CEP78: variants seen among roughly 807,000 people sequenced by gnomAD.
CEP78 encodes the protein centrosomal protein of 78 kDa.
CEP78 carries 76 observed loss-of-function variants against 81.2 expected under a neutral mutation model. The observed-to-expected ratio is 0.94, with a 90% CI of 0.78 to 1.13. The LOEUF (loss-of-function observed/expected upper bound fraction) is 1.13, where lower values mean the gene tolerates loss of function less well. Ranked by LOEUF, CEP78 falls within the 50% of genes most tolerant of loss-of-function variation. The probability of loss-of-function intolerance (pLI) is 0.00; values close to 1 mark genes in which losing one functional copy is unlikely to be tolerated. For missense variants in CEP78, 918 were observed against 846.8 expected (o/e 1.08, Z -1.04); for synonymous variants, 293 against 301.4 (o/e 0.97, Z 0.29).
intron 16 of CEP78, among the ~76,000 whole-genome samples, chr9:78,269,919 T>C (rs997203472): frequency 6.6e-6 from 1 of 152,224 alleles, no homozygotes; most frequent in Non-Finnish European, 1.5e-5. Context: ...TGAGATACTT[T>C]AATGTTCTTA....
intron 14 of CEP78, 146 bp from the exon 15 acceptor site, chr9:78,265,713 T>A (rs1827496467): frequency 2.7e-6 from 2 of 743,008 alleles, no homozygotes; most frequent in Non-Finnish European, 4.4e-6. Context: ...TTCCTTATAT[T>A]GTATTGTTGT....
chr9:78,256,433 G>A (rs1827028897), intron 11 of CEP78, among the ~76,000 whole-genome samples: 1 of 152,060 alleles, frequency 6.6e-6, no homozygotes, highest in Non-Finnish European at 1.5e-5. Flanking sequence ...CCTAGAAAAG[G>A]GTAGCTGAGA....
At chr9:78,245,512 A>G (rs1826435859) in intron 5 of CEP78, among the ~76,000 whole-genome samples, 1 of 152,180 alleles carries the variant, frequency 6.6e-6, no homozygotes, top group Non-Finnish European at 1.5e-5. Context: ...CCTGTTGTGG[A>G]TTAGGGTTTC....
Position 78,272,239 on chromosome 9 carries a change from T to A in CEP78, c.*1388T>A, listed in dbSNP as rs1167763765. On this transcript the variant is annotated 3_prime_UTR_variant, in exon 17 of 17. Transcript: ENST00000643273. ...GGCCAAGATGGGTTCTTTCTTAGGCTGGTCTTGAACTCCTGGCCTCAAATG... is the reference window on the plus strand; with the variant it reads ...GGCCAAGATGGGTTCTTTCTTAGGCAGGTCTTGAACTCCTGGCCTCAAATG... The A allele has an allele frequency of 1.3e-5, 2 of 152,462 alleles. No homozygotes were observed. The highest frequency in any genetic ancestry group is 4.8e-5 in the African/African-American group (2 of 41,448). The allele number at this position is 152,462 out of a possible 1,614,324, so 9.4% of individuals were successfully genotyped here. A position where few individuals can be genotyped will look rare whatever the true frequency, so the allele number is the denominator to read the frequency against.
chr9:78,239,493 C>G (rs776982256), intron 1 of CEP78, among the ~76,000 whole-genome samples: 1 of 152,160 alleles, frequency 6.6e-6, no homozygotes, highest in Non-Finnish European at 1.5e-5. Context: ...TCCTTTATCT[C>G]TTTGATACTC....
At chr9:78,258,172 G>A (rs1325919636) in intron 11 of CEP78, among the ~76,000 whole-genome samples, 1 of 152,154 alleles carries the variant, frequency 6.6e-6, no homozygotes, top group African/African-American at 2.4e-5. Context: ...TGTGGTAGGT[G>A]TTACTATTAG....
intron 11 of CEP78, among the ~76,000 whole-genome samples, chr9:78,256,958 T>C (rs1226534950): frequency 6.6e-6 from 1 of 151,968 alleles, no homozygotes; most frequent in Non-Finnish European, 1.5e-5. Flanking sequence ...TCAGTAGGAA[T>C]TAAGGAAATT....
At position 78,279,332 on chromosome 9, in the gene CEP78, GT is replaced by G. The variant is rs1447793446; in HGVS notation, c.*8484del. 3.9e-5 allele frequency: 6 copies of G among 152,148 alleles called. No individual in the cohort carries two copies. The highest frequency in any genetic ancestry group is 8.8e-5 in the Non-Finnish European group (6 of 68,028). 9.4% of individuals were successfully genotyped at this position (152,148 alleles called of 1,614,324 possible). A position where few individuals can be genotyped will look rare whatever the true frequency, so the allele number is the denominator to read the frequency against. ...GTAGAGTTTGAAAACACTAAAATCA[GT>G]TTGCCAAATAACCAGCTCTAATTTC... On this transcript the variant is annotated 3_prime_UTR_variant, in exon 17 of 17. Coordinates refer to ENST00000643273, the MANE Select transcript of CEP78 (RefSeq NM_001330691.3).
intron 16 of CEP78, chr9:78,267,016 T>C: frequency 7.6e-7 from 1 of 1,308,040 alleles, no homozygotes; most frequent in Non-Finnish European, 1.0e-6. Context: ...GACTAAATCT[T>C]TTGAAACTAT....
chr9:78,250,783 C>A (rs2118281302), intron 8 of CEP78, among the ~76,000 whole-genome samples: 1 of 152,286 alleles, frequency 6.6e-6, no homozygotes. Flanking sequence ...TCTACACATA[C>A]TACAAACAAT....
At chr9:78,246,843 G>T (rs1392469510) in intron 6 of CEP78, 61 bp downstream of exon 6, 15 of 938,316 alleles carry the variant, frequency 1.6e-5, no homozygotes, top group Non-Finnish European at 1.9e-5. Flanking sequence ...AATTTCTCAT[G>T]TATTGACAGT....
Position 78,265,853 on chromosome 9 carries a change from A to G in CEP78, c.1798-6A>G, listed in dbSNP as rs759202816. On this transcript the variant is annotated splice_region_variant and splice_polypyrimidine_tract_variant and intron_variant, in intron 14 of 16. Coordinates refer to ENST00000643273, the MANE Select transcript of CEP78 (RefSeq NM_001330691.3). ...TAAATGTCTATTCTATTCATATTCC[A>G]TCTAGGTTTCTATTTGTATGCAGTC... 22 of 1,318,006 alleles carry G rather than the reference A, an allele frequency of 1.7e-5. No individual in the cohort carries two copies. The South Asian group carries it at 2.7e-4, about 16-fold the overall frequency. The allele number at this position is 1,318,006 out of a possible 1,614,324, so 81.6% of individuals were successfully genotyped here. A position where few individuals can be genotyped will look rare whatever the true frequency, so the allele number is the denominator to read the frequency against.
At chr9:78,236,969 CTTTTTTTTTTTTTTT>C (rs71360676) in intron 1 of CEP78, among the ~76,000 whole-genome samples, 2 of 62,112 alleles carry the variant, frequency 3.2e-5, no homozygotes, top group African/African-American at 1.2e-4. Context: ...CAGCCTTTGT[CTTTTTTTTTTTTTTT>C]TTTTTTTTTT....
In CEP78 at chr9:78,264,335, A is replaced by G. The variant is rs957748745; in HGVS notation, c.1625+19A>G. On this transcript the variant is annotated intron_variant, in intron 13 of 16. Transcript: ENST00000643273. The stretch of plus-strand genomic sequence containing the variant: ...ATGCTGGGTTAGTTACTTTCTCCCT[A>G]TGACATTCGTCCCTCCATGACTTTA... The G allele has an allele frequency of 5.0e-6, 8 of 1,609,730 alleles. No individual in the cohort carries two copies. Among genetic ancestry groups the G allele is most frequent in the South Asian group, 1.1e-5 (1 of 90,792 alleles).
At chr9:78,254,791 G>A (rs1826934343) in intron 10 of CEP78, 45 bp from the exon 11 acceptor site, 2 of 1,508,866 alleles carry the variant, frequency 1.3e-6, no homozygotes, top group Non-Finnish European at 1.8e-6. Flanking sequence ...TTAGTATTTG[G>A]TATTCGGTTT....
chr9:78,262,980 G>A lies in CEP78; in HGVS notation c.1454G>A (p.Ser485Asn). 6.5e-7 allele frequency: 1 copy of A among 1,535,508 alleles called. No homozygotes were observed. The highest frequency in any genetic ancestry group is 1.7e-4 in the Middle Eastern group (1 of 5,886). Residue 485 changes from serine (S) to asparagine (N), a missense_variant, in exon 12 of 17, where the codon AGT becomes AAT. Coordinates refer to ENST00000643273, the MANE Select transcript of CEP78 (RefSeq NM_001330691.3). ...VIRLKVDKRV[S>N]ELEHENAQLR... ...AGGCTTAAGGTTGATAAACGAGTCAGTGAGGTAAATAAAAGTTTTCTTACC... is the reference window on the plus strand; with the variant it reads ...AGGCTTAAGGTTGATAAACGAGTCAATGAGGTAAATAAAAGTTTTCTTACC...
chr9:78,240,441 C>T, intron 3 of CEP78, 77 bp downstream of exon 3: 1 of 1,234,402 alleles, frequency 8.1e-7, no homozygotes, highest in Non-Finnish European at 1.2e-6. Context: ...TAATTCCTGT[C>T]TGTACCTTTT....
chr9:78,259,508 A>G (rs1369845575), intron 11 of CEP78, among the ~76,000 whole-genome samples: 15 of 152,196 alleles, frequency 9.9e-5, no homozygotes, highest in Admixed American at 9.8e-4. Context: ...GCTTAAAGAA[A>G]TGGTTGCCTC....
At chr9:78,263,055 C>A (rs1827350107) in intron 12 of CEP78, 71 bp downstream of exon 12, 4 of 775,794 alleles carry the variant, frequency 5.2e-6, no homozygotes, top group African/African-American at 1.8e-5. Flanking sequence ...GTCATACATA[C>A]ACACACTTTA....
Sources: gnomAD v4.1 joint callset for allele counts (sites outside exome capture counted in the v4.1 genomes callset) on GRCh38, gnomAD v4.1.1 for gene constraint, MANE v1.5 for transcripts, NCBI Gene and HGNC (gene_info 2026-07-23, HGNC 2026-07-21) for gene names.